Variants in NEBL observed in about 807,000 individuals in gnomAD.
The protein encoded by NEBL is nebulette.
A neutral mutation model predicts 140.2 loss-of-function variants in NEBL; 122 were observed. That is an observed-to-expected ratio of 0.87 (90% CI 0.75 to 1.01). The LOEUF is 1.01. NEBL is among the 50% of genes least tolerant of loss of function. NEBL has a pLI of 0.00. For missense variants in NEBL, 1,365 were observed against 1,231.3 expected, an observed-to-expected ratio of 1.11 and a Z score of -1.62; for synonymous variants, 436 against 398.9, an observed-to-expected ratio of 1.09 and a Z score of -1.11.
In NEBL at chr10:20,815,677, C is replaced by A; in HGVS notation, c.2189G>T (p.Ser730Ile). Reference sequence around the variant, plus strand: ...CACTCTTTCCATTTCAGGAGTTACACTTAAAGTGGTAGCTCTTCCCAGCTG... The same window carrying A: ...CACTCTTTCCATTTCAGGAGTTACAATTAAAGTGGTAGCTCTTCCCAGCTG... ...RGQLGRATTL[S>I]VTPEMERVKK... The change falls in exon 22 of 28, where the codon AGT becomes ATT. Residue 730 changes from serine (S) to isoleucine (I), a missense_variant. Coordinates refer to ENST00000377122, the MANE Select transcript of NEBL (RefSeq NM_006393.3). 6.2e-7 allele frequency: 1 copy of A among 1,612,912 alleles called. No homozygotes were observed. The highest frequency in any genetic ancestry group is 2.2e-5 in the East Asian group (1 of 44,838).
intron 3 of NEBL, among the ~76,000 whole-genome samples, chr10:21,019,200 T>A (rs1729830562): frequency 6.6e-6 from 1 of 152,244 alleles, no homozygotes; most frequent in South Asian, 2.1e-4. Flanking sequence ...ATCTTCTCAC[T>A]TTTTGAAATG....
At chr10:21,228,442 C>T (rs1370221213) in intron 3 of NEBL, among the ~76,000 whole-genome samples, 1 of 152,186 alleles carries the variant, frequency 6.6e-6, no homozygotes, top group Non-Finnish European at 1.5e-5. Context: ...GCATGAGCAA[C>T]TGTGCCTGGC....
intron 11 of NEBL, among the ~76,000 whole-genome samples, chr10:20,850,118 G>A (rs76016750): frequency 1.3e-5 from 2 of 152,286 alleles, no homozygotes; most frequent in South Asian, 4.1e-4. Flanking sequence ...ACATTTGAAA[G>A]TGTCAGTTAT....
chr10:20,964,876 G>A (rs534299022), intron 3 of NEBL, among the ~76,000 whole-genome samples: 2 of 152,292 alleles, frequency 1.3e-5, no homozygotes, highest in Admixed American at 1.3e-4. Context: ...TACCAGGTTT[G>A]CCCGTTACGT....
intron 1 of NEBL, among the ~76,000 whole-genome samples, chr10:21,282,364 T>A (rs1294066945): frequency 6.6e-6 from 1 of 151,812 alleles, no homozygotes; most frequent in Admixed American, 6.6e-5. Flanking sequence ...TAAGGAAAGG[T>A]GCAAACAAAC....
intron 3 of NEBL, among the ~76,000 whole-genome samples, chr10:21,211,201 G>A (rs748463690): frequency 1.3e-5 from 2 of 152,154 alleles, no homozygotes; most frequent in Admixed American, 6.6e-5. Context: ...GTCATTGGCC[G>A]AGTGCAACAG....
At chr10:21,009,267 C>T (rs191712719) in intron 3 of NEBL, among the ~76,000 whole-genome samples, 5 of 152,222 alleles carry the variant, frequency 3.3e-5, no homozygotes, top group African/African-American at 1.2e-4. Context: ...ATAAGTAAAT[C>T]GCTTGGAATT....
At chr10:20,807,444 T>C (rs1837707421) in intron 26 of NEBL, among the ~76,000 whole-genome samples, 1 of 152,212 alleles carries the variant, frequency 6.6e-6, no homozygotes, top group East Asian at 1.9e-4. Flanking sequence ...ATTTCATTAG[T>C]TACACAAAAA....
At chr10:20,903,566 G>A (rs1346033597) in intron 4 of NEBL, among the ~76,000 whole-genome samples, 2 of 152,126 alleles carry the variant, frequency 1.3e-5, no homozygotes, top group Admixed American at 1.3e-4. Context: ...ATCTGCATGT[G>A]TTATGTTTCT....
At chr10:21,110,778 A>G (rs1837967408) in intron 2 of NEBL, 1 of 540,532 alleles carries the variant, frequency 1.9e-6, no homozygotes. Flanking sequence ...ATGAGCACCA[A>G]TTATCTTTAA....
chr10:20,869,743 G>A lies in NEBL; in HGVS notation c.579C>T (p.Ser193=). Residue 193 remains serine (S), a synonymous_variant, in exon 6 of 28, where the codon AGC becomes AGT. Coordinates refer to ENST00000377122, the MANE Select transcript of NEBL (RefSeq NM_006393.3). The part of the protein sequence containing the change: ...KMATQISKII[S]NAEYKKGQGI... ...AAGGTTTAGAAAGAGAAGTTACATT[G>A]CTTATGATCTTAGAGATCTGGGTTG... The A allele has an allele frequency of 6.2e-7, 1 of 1,601,132 alleles. No homozygotes were observed. Among genetic ancestry groups the A allele is most frequent in the East Asian group, 2.2e-5 (1 of 44,792 alleles).
chr10:21,042,001 G>C (rs367974728), intron 2 of NEBL, among the ~76,000 whole-genome samples: 16 of 152,292 alleles, frequency 1.1e-4, no homozygotes, highest in Middle Eastern at 3.4e-3. Context: ...TCTTGGTTTT[G>C]GTGGGTTTTG....
chr10:20,790,280 C>A (rs933136897), intron 26 of NEBL, among the ~76,000 whole-genome samples: 5 of 151,600 alleles, frequency 3.3e-5, no homozygotes, highest in Non-Finnish European at 4.4e-5. Flanking sequence ...ATACTTGGTA[C>A]AATAAAAGAG....
chr10:21,037,220 C>G (rs1050998434), intron 2 of NEBL, among the ~76,000 whole-genome samples: 2 of 149,920 alleles, frequency 1.3e-5, no homozygotes, highest in Non-Finnish European at 3.0e-5. Context: ...TTAAGAAAAC[C>G]CAACCAGCAA....
intron 16 of NEBL, 34 bp from the exon 17 acceptor site, chr10:20,828,668 CTATG>C: frequency 2.2e-6 from 3 of 1,380,170 alleles, no homozygotes; most frequent in Non-Finnish European, 3.1e-6. Context: ...AAATCTGAAA[CTATG>C]TGTGTGCGCA....
chr10:21,178,870 C>T (rs1841343724), upstream of NEBL, among the ~76,000 whole-genome samples: 1 of 152,184 alleles, frequency 6.6e-6, no homozygotes, highest in African/African-American at 2.4e-5. Context: ...TTGTTTTGCC[C>T]CTTCTGGGAT....
rs117859219 is a variant in NEBL, at chr10:21,021,039, A to T, written c.165-838T>A. On this transcript the variant is annotated intron_variant, in intron 2 of 6. Coordinates refer to the NEBL transcript ENST00000417816. Reference sequence around the variant, plus strand: ...GTTCATCACCCCACCCCTCCATAACACAAGTTCCTCCCCTGGATCTTCTTT... The same window carrying T: ...GTTCATCACCCCACCCCTCCATAACTCAAGTTCCTCCCCTGGATCTTCTTT... 7.0e-3 allele frequency among the ~76,000 whole-genome samples: 1,068 copies of T among 151,694 alleles called. 9 individuals carry two copies. Among genetic ancestry groups the T allele is most frequent in the Middle Eastern group, 0.014 (4 of 294 alleles).
rs998723118 is a variant in NEBL, at chr10:21,173,639, C to A, written c.69+126G>T. On this transcript the variant is annotated intron_variant, in intron 1 of 6. Coordinates refer to the NEBL transcript ENST00000417816. The surrounding 1 kb of genome is among the most constrained non-coding windows in gnomAD (Gnocchi z 5.7). ...CGTCTTCGTTCGCGCGCCCTCCCCC[C>A]GTGCCAAGGCACACGCACACGCACC... The A allele has an allele frequency of 8.0e-6, 12 of 1,501,070 alleles. No individual in the cohort carries two copies. The highest frequency in any genetic ancestry group is 5.8e-5 in the South Asian group (5 of 86,138). The allele number at this position is 1,501,070 out of a possible 1,614,324, so 93.0% of individuals were successfully genotyped here.
chr10:20,806,891 G>GT lies in NEBL; in HGVS notation c.2761+1618dup, dbSNP rs1837662080. 2.6e-5 allele frequency among the ~76,000 whole-genome samples: 4 copies of GT among 152,184 alleles called. No homozygotes were observed. In the South Asian group the frequency reaches 6.2e-4, roughly 24 times the overall value. On this transcript the variant is annotated intron_variant, in intron 26 of 27. Transcript: ENST00000377122. ...CATCAATTCCAGTATGCTGAACTGA[G>GT]TAACATTAAATAAGGTTGATCAACA...
Sources: allele counts gnomAD v4.1 joint callset (sites outside exome capture counted in the v4.1 genomes callset), GRCh38; gene constraint gnomAD v4.1.1; non-coding constraint Gnocchi (gnomAD v3.1); transcripts MANE v1.5; gene names NCBI Gene and HGNC (gene_info 2026-07-23, HGNC 2026-07-21).